Variants in VPS33A observed in about 807,000 individuals in gnomAD.
VPS33A encodes the protein vacuolar protein sorting-associated protein 33A.
Under a neutral mutation model 71.8 loss-of-function variants are expected in VPS33A, and 32 were observed. The ratio of observed to expected loss-of-function variants is 0.45; its 90% CI spans 0.34 to 0.60. The LOEUF (loss-of-function observed/expected upper bound fraction) is 0.60, where lower values mean the gene tolerates loss of function less well. Among genes scored for constraint, VPS33A ranks in the 20% least tolerant of loss-of-function variants. VPS33A has a pLI of 0.02. For synonymous variants in VPS33A, 311 were observed against 292.7 expected (o/e 1.06, Z -0.64); for missense variants, 625 against 748.5 (o/e 0.84, Z 1.92).
Position 122,235,833 on chromosome 12 carries a change from T to C in VPS33A, c.1393A>G (p.Thr465Ala), listed in dbSNP as rs767069727. 1.1e-5 allele frequency: 17 copies of C among 1,613,788 alleles called. No homozygotes were observed. The highest frequency in any genetic ancestry group is 1.4e-5 in the Non-Finnish European group (16 of 1,179,958). The change falls in exon 11 of 13, where the codon ACT becomes GCT. Residue 465 changes from threonine (T) to alanine (A), a missense_variant. Physicochemically the swap from Thr to Ala is moderately conservative, Grantham distance 58. Coordinates refer to ENST00000267199, the MANE Select transcript of VPS33A (RefSeq NM_022916.6). ...PQTGGRNNYP[T>A]IRKTLRLWMD... is the part of the protein sequence containing the mutation. Reference sequence around the variant, plus strand: ...CAGAGGCGTAATGTTTTCCGTATAGTTGGGTAATTGTTTCTGCCCCCCGTC... The same window carrying C: ...CAGAGGCGTAATGTTTTCCGTATAGCTGGGTAATTGTTTCTGCCCCCCGTC...
At chr12:122,239,474 G>C (rs1045136673) in intron 9 of VPS33A, among the ~76,000 whole-genome samples, 4 of 152,108 alleles carry the variant, frequency 2.6e-5, no homozygotes, top group African/African-American at 9.7e-5. Context: ...AGTGACTCAC[G>C]CCTGTAATCC....
In VPS33A at chr12:122,230,856, C is replaced by CA. The variant is rs1954551508; in HGVS notation, c.*1389dup. 1 of 152,262 alleles carries CA rather than the reference C, an allele frequency of 6.6e-6. No homozygotes were observed. Among genetic ancestry groups the CA allele is most frequent in the African/African-American group, 2.4e-5 (1 of 41,434 alleles). The allele number at this position is 152,262 out of a possible 1,614,324, so 9.4% of individuals were successfully genotyped here. ...CTTCTCCTCCAACACCCCTGCCCCCCACCACAGCCTGACAGTCTCCTGCAG... is the reference window on the plus strand; with the variant it reads ...CTTCTCCTCCAACACCCCTGCCCCCCAACCACAGCCTGACAGTCTCCTGCAG... On this transcript the variant is annotated 3_prime_UTR_variant, in exon 13 of 13. Coordinates refer to ENST00000267199, the MANE Select transcript of VPS33A (RefSeq NM_022916.6).
chr12:122,243,941 T>A (rs1954745565), intron 7 of VPS33A, among the ~76,000 whole-genome samples: 1 of 152,060 alleles, frequency 6.6e-6, no homozygotes, highest in Non-Finnish European at 1.5e-5. Flanking sequence ...AACTACATAC[T>A]CAGTGAAAAA....
chr12:122,243,675 G>A lies in VPS33A; in HGVS notation c.969+894C>T, dbSNP rs149489139. 3.1e-3 allele frequency among the ~76,000 whole-genome samples: 476 copies of A among 152,240 alleles called. 1 individual carries two copies. Among genetic ancestry groups the A allele is most frequent in the Non-Finnish European group, 5.7e-3 (389 of 68,014 alleles). On this transcript the variant is annotated intron_variant, in intron 7 of 12. Transcript: ENST00000267199. ...AAATCAATTAATGAACATAATTCCT[G>A]AGAAAGATAAAATCTGGAATTACAT...
In VPS33A at chr12:122,261,477, T is replaced by C. The variant is rs755645106; in HGVS notation, c.297-30A>G. ...AAAGGAAGCAACATTTGTTAGCTTA[T>C]GAGCTCCTAAGAGTCATGGACCATT... On this transcript the variant is annotated intron_variant, in intron 3 of 12. Coordinates refer to ENST00000267199, the MANE Select transcript of VPS33A (RefSeq NM_022916.6). 7.5e-6 allele frequency: 12 copies of C among 1,610,690 alleles called. No homozygotes were observed. The Admixed American group carries it at 1.0e-4, about 14-fold the overall frequency.
At chr12:122,233,009 G>C (rs372135173) in intron 11 of VPS33A, 41 bp from the exon 12 acceptor site, 1 of 1,511,692 alleles carries the variant, frequency 6.6e-7, no homozygotes, top group African/African-American at 1.4e-5. Flanking sequence ...TAGATACAGA[G>C]ACTTAGAGCT....
intron 11 of VPS33A, among the ~76,000 whole-genome samples, chr12:122,234,774 T>C (rs933186685): frequency 6.6e-6 from 1 of 152,202 alleles, no homozygotes; most frequent in Non-Finnish European, 1.5e-5. Flanking sequence ...TGGGCAGCAG[T>C]GTGAGGATGA....
chr12:122,244,650 A>G lies in VPS33A; in HGVS notation c.888T>C (p.Tyr296=), dbSNP rs758079442. 6.2e-7 allele frequency: 1 copy of G among 1,614,184 alleles called. No homozygotes were observed. The highest frequency in any genetic ancestry group is 1.1e-5 in the South Asian group (1 of 91,080). ...TGAAGTTCTTATCTCGGATCTCAGC[A>G]TAGAGCTCCTCTGCAGAATTCAGCT... ...KLQLNSAEEL[Y]AEIRDKNFNA... Residue 296 remains tyrosine, a synonymous_variant, in exon 7 of 13, where the codon TAT becomes TAC. Transcript: ENST00000267199.
At position 122,232,790 on chromosome 12, in the gene VPS33A, T is replaced by G. The variant is rs1445108776; in HGVS notation, c.1609+10A>C. On this transcript the variant is annotated intron_variant, in intron 12 of 12. Coordinates refer to ENST00000267199, the MANE Select transcript of VPS33A (RefSeq NM_022916.6). The stretch of plus-strand genomic sequence containing the variant: ...ACATAATTATCTGTAGATGCTGGAC[T>G]GGGACTTACGTTTCTTCTGCAGTCC... 1.2e-6 allele frequency: 2 copies of G among 1,608,552 alleles called. No homozygotes were observed. The highest frequency in any genetic ancestry group is 1.3e-5 in the African/African-American group (1 of 74,774).
At chr12:122,263,925 A>C (rs1445033205) in intron 2 of VPS33A, among the ~76,000 whole-genome samples, 1 of 152,196 alleles carries the variant, frequency 6.6e-6, no homozygotes, top group East Asian at 1.9e-4. Flanking sequence ...TATCAAAGAC[A>C]CCAGGAAATG....
intron 6 of VPS33A, among the ~76,000 whole-genome samples, chr12:122,245,257 T>G (rs1220499632): frequency 6.6e-6 from 1 of 152,128 alleles, no homozygotes. Context: ...GGTGGCTTCG[T>G]TTTATTTTTT....
In VPS33A at chr12:122,230,588, A is replaced by AAAAAC. The variant is rs1443729045; in HGVS notation, c.*1653_*1657dup. On this transcript the variant is annotated 3_prime_UTR_variant, in exon 13 of 13. Coordinates refer to ENST00000267199, the MANE Select transcript of VPS33A (RefSeq NM_022916.6). ...GCGTGAGACTCTGTCTCAAACAAAC[A>AAAAAC]AAAACAAAACAAAACAAAAACCTCC... The AAAAAC allele has an allele frequency of 6.6e-6, 1 of 152,244 alleles. No homozygotes were observed. The highest frequency in any genetic ancestry group is 2.4e-5 in the African/African-American group (1 of 41,456). 9.4% of individuals were successfully genotyped at this position (152,244 alleles called of 1,614,324 possible). A position where few individuals can be genotyped will look rare whatever the true frequency, so the allele number is the denominator to read the frequency against.
At chr12:122,233,590 G>A (rs1023448371) in intron 11 of VPS33A, among the ~76,000 whole-genome samples, 1 of 152,152 alleles carries the variant, frequency 6.6e-6, no homozygotes, top group African/African-American at 2.4e-5. Flanking sequence ...AATAACCTTT[G>A]AACTTAGCAA....
intron 6 of VPS33A, among the ~76,000 whole-genome samples, chr12:122,246,532 C>G (rs1954778939): frequency 6.6e-6 from 1 of 151,926 alleles, no homozygotes; most frequent in Non-Finnish European, 1.5e-5. Context: ...CTCCTGACCT[C>G]AGATGATCCG....
chr12:122,259,784 T>C (rs1214089923), intron 4 of VPS33A, among the ~76,000 whole-genome samples: 1 of 151,908 alleles, frequency 6.6e-6, no homozygotes, highest in East Asian at 1.9e-4. Flanking sequence ...TATTATAGAA[T>C]TTCATTTCTA....
At position 122,239,923 on chromosome 12, in the gene VPS33A, T is replaced by A; in HGVS notation, c.1119A>T (p.Lys373Asn). 1 of 1,613,728 alleles carries A rather than the reference T, an allele frequency of 6.2e-7. No homozygotes were observed. Among genetic ancestry groups the A allele is most frequent in the Non-Finnish European group, 8.5e-7 (1 of 1,179,838 alleles). The change falls in exon 9 of 13, where the codon AAA (lysine) becomes AAT (asparagine). Residue 373 changes from lysine (K) to asparagine (N), a missense_variant. Lys to Asn is a moderately conservative substitution (Grantham distance 94). Coordinates refer to ENST00000267199, the MANE Select transcript of VPS33A (RefSeq NM_022916.6). Reference protein sequence around the residue: ...DVTTSEDFFDKLTVEQEFMSG... With the variant: ...DVTTSEDFFDNLTVEQEFMSG... ...ACATAAACTCCTGTTCCACGGTTAA[T>A]TTATCAAAAAAGTCTTCAGAAGCTA...
At chr12:122,252,767 A>T (rs1009872606) in intron 4 of VPS33A, 1 of 152,210 alleles carries the variant, frequency 6.6e-6, no homozygotes, top group African/African-American at 2.4e-5. Flanking sequence ...CAATTTATTC[A>T]TATGTAGAAG....
chr12:122,252,258 T>TTTTTTA (rs199797222), intron 4 of VPS33A, among the ~76,000 whole-genome samples: 2 of 151,846 alleles, frequency 1.3e-5, no homozygotes. Flanking sequence ...CCCCATCTCT[T>TTTTTTA]TTTTTATTTT....
At chr12:122,232,665 A>T in intron 12 of VPS33A, 135 bp downstream of exon 12, 1 of 1,190,694 alleles carries the variant, frequency 8.4e-7, no homozygotes, top group Non-Finnish European at 1.2e-6. Flanking sequence ...CTTACTACAT[A>T]CATTAGCAAC....
Sources: gnomAD v4.1 joint callset for allele counts (sites outside exome capture counted in the v4.1 genomes callset) on GRCh38, gnomAD v4.1.1 for gene constraint, MANE v1.5 for transcripts, NCBI Gene and HGNC (gene_info 2026-07-23, HGNC 2026-07-21) for gene names.